Variants in BTBD1 observed in about 807,000 individuals in gnomAD.
The protein encoded by BTBD1 is BTB/POZ domain-containing protein 1.
A neutral mutation model predicts 48.0 loss-of-function variants in BTBD1; 34 were observed. The ratio of observed to expected loss-of-function variants is 0.71; its 90% CI spans 0.54 to 0.94. The LOEUF (loss-of-function observed/expected upper bound fraction) is 0.94. Ranked by LOEUF, BTBD1 falls within the 40% of genes least tolerant of loss-of-function variation. The pLI, the probability that BTBD1 is intolerant of heterozygous loss-of-function variation, is 0.00. For missense variants in BTBD1, 543 were observed against 625.6 expected (o/e 0.87, Z 1.41); for synonymous variants, 261 against 242.1 (o/e 1.08, Z -0.72).
intron 5 of BTBD1, among the ~76,000 whole-genome samples, chr15:83,021,282 CAA>C (rs1282848335): frequency 3.9e-5 from 6 of 152,164 alleles, no homozygotes; most frequent in Non-Finnish European, 8.8e-5. Flanking sequence ...CAAATTGTAA[CAA>C]GAGCTGTGAA....
chr15:83,051,928 CTATT>C (rs1267118291), intron 2 of BTBD1, among the ~76,000 whole-genome samples: 1 of 112,598 alleles, frequency 8.9e-6, no homozygotes, highest in Non-Finnish European at 1.8e-5. Flanking sequence ...AGAGACTAAA[CTATT>C]TGAGAGTAAG....
Position 83,018,798 on chromosome 15 carries a change from C to A in BTBD1, c.1199G>T (p.Cys400Phe). The stretch of plus-strand genomic sequence containing the variant: ...CCTGAATGTGTTAGCTGTCCCATCA[C>A]AACTAAAGCCGGTATCATTCTGTCC... ...TLGQNDTGFSCDGTANTFRVM... is the reference protein window; with the variant it reads ...TLGQNDTGFSFDGTANTFRVM... Residue 400 changes from cysteine (C) to phenylalanine (F), a missense_variant, in exon 7 of 8, where the codon TGT (cysteine) becomes TTT (phenylalanine). Cys to Phe is a radical substitution (Grantham distance 205). Coordinates refer to ENST00000261721, the MANE Select transcript of BTBD1 (RefSeq NM_025238.4). 1 of 1,614,122 alleles carries A rather than the reference C, an allele frequency of 6.2e-7. No individual in the cohort carries two copies. Among genetic ancestry groups the A allele is most frequent in the Non-Finnish European group, 8.5e-7 (1 of 1,179,952 alleles).
intron 2 of BTBD1, among the ~76,000 whole-genome samples, chr15:83,053,599 G>A (rs1018754591): frequency 2.6e-5 from 4 of 152,140 alleles, no homozygotes; most frequent in Non-Finnish European, 5.9e-5. Flanking sequence ...AATAAAAGTA[G>A]TTAAGTGATC....
intron 4 of BTBD1, 198 bp from the exon 5 acceptor site, chr15:83,030,526 A>T: frequency 1.9e-6 from 1 of 536,204 alleles, no homozygotes; most frequent in South Asian, 2.6e-5. Flanking sequence ...TAAAATGTTA[A>T]AAGCATTAAT....
At chr15:83,051,182 T>G (rs1275595081) in intron 2 of BTBD1, among the ~76,000 whole-genome samples, 1 of 152,162 alleles carries the variant, frequency 6.6e-6, no homozygotes, top group Non-Finnish European at 1.5e-5. Context: ...CTCTTCACAT[T>G]TTAGAGGATG....
Position 83,056,536 on chromosome 15 carries a change from ATAT to A in BTBD1, c.408_410del (p.Tyr137del), listed in dbSNP as rs2033084984. ...CTGGACCAATTTGAACTTCATCTGAATATAGAAATCTGGAAAACAATTGGCATA... is the reference window on the plus strand; with the variant it reads ...CTGGACCAATTTGAACTTCATCTGAAAGAAATCTGGAAAACAATTGGCATA... On this transcript the variant is annotated inframe_deletion, in exon 2 of 8. Transcript: ENST00000261721. 6.2e-7 allele frequency: 1 copy of A among 1,613,396 alleles called. No homozygotes were observed. Among genetic ancestry groups the A allele is most frequent in the Non-Finnish European group, 8.5e-7 (1 of 1,179,638 alleles).
At chr15:83,060,748 G>A (rs544554298) in intron 1 of BTBD1, among the ~76,000 whole-genome samples, 47 of 152,174 alleles carry the variant, frequency 3.1e-4, no homozygotes, top group African/African-American at 9.9e-4. Flanking sequence ...AGCCAAGATC[G>A]CGCCACTGTA....
intron 4 of BTBD1, among the ~76,000 whole-genome samples, chr15:83,032,827 C>G (rs760716098): frequency 6.6e-6 from 1 of 151,734 alleles, no homozygotes; most frequent in Non-Finnish European, 1.5e-5. Context: ...CAAAATTTAG[C>G]CAAGGGCGGT....
chr15:83,036,065 C>T (rs1363171892), intron 4 of BTBD1, among the ~76,000 whole-genome samples: 1 of 126,820 alleles, frequency 7.9e-6, no homozygotes, highest in Middle Eastern at 5.3e-3. Flanking sequence ...ATGTAGTTCA[C>T]TATATTCACA....
At chr15:83,021,661 G>A (rs2151299195) in intron 5 of BTBD1, among the ~76,000 whole-genome samples, 1 of 152,062 alleles carries the variant, frequency 6.6e-6, no homozygotes, top group Admixed American at 6.6e-5. Flanking sequence ...AACTGAGGCA[G>A]GAGAATCGTT....
At chr15:83,044,756 T>C in intron 3 of BTBD1, 2 of 1,447,454 alleles carry the variant, frequency 1.4e-6, no homozygotes, top group African/African-American at 1.4e-5. Context: ...CTCGGATCTA[T>C]GAAAAAGTAG....
In BTBD1 at chr15:83,021,972, A is replaced by G. The variant is rs531389506; in HGVS notation, c.1056-1210T>C. ...CAGAATTATTTCCTTTAGTCATCGT[A>G]ACAGCCCTATAAGCTAGATAACAGT... On this transcript the variant is annotated intron_variant, in intron 5 of 7. Coordinates refer to ENST00000261721, the MANE Select transcript of BTBD1 (RefSeq NM_025238.4). Among the ~76,000 whole-genome samples the G allele has an allele frequency of 1.4e-3, 214 of 152,124 alleles. 2 individuals are homozygous for G. The highest frequency in any genetic ancestry group is 2.6e-3 in the Admixed American group (39 of 15,256).
intron 3 of BTBD1, among the ~76,000 whole-genome samples, chr15:83,046,766 T>C (rs935982523): frequency 6.6e-6 from 1 of 152,186 alleles, no homozygotes; most frequent in Non-Finnish European, 1.5e-5. Context: ...ATGCAGGTGC[T>C]GGGGAGGAAT....
At chr15:83,041,588 G>A (rs919919090) in intron 4 of BTBD1, 140 bp downstream of exon 4, 1 of 705,542 alleles carries the variant, frequency 1.4e-6, no homozygotes. Flanking sequence ...GACAAGGCTG[G>A]TGTCGAACTC....
chr15:83,051,875 T>TACACACACACACACAC (rs1187803458), intron 2 of BTBD1, among the ~76,000 whole-genome samples: 1,626 of 43,626 alleles, frequency 0.037, 15 homozygotes, highest in East Asian at 0.095. Flanking sequence ...TTTCCATATA[T>TACACACACACACACAC]ATACACACAC....
intron 1 of BTBD1, among the ~76,000 whole-genome samples, chr15:83,063,441 T>C (rs1483021601): frequency 6.6e-6 from 1 of 152,172 alleles, no homozygotes; most frequent in Non-Finnish European, 1.5e-5. Context: ...AATTTGACCA[T>C]GTCTCATCAT....
intron 3 of BTBD1, among the ~76,000 whole-genome samples, chr15:83,042,747 TGAG>T (rs1390661427): frequency 6.6e-6 from 1 of 152,154 alleles, no homozygotes; most frequent in Admixed American, 6.5e-5. Flanking sequence ...TACATTCTAA[TGAG>T]GAGAAACAGA....
chr15:83,018,796 C>T lies in BTBD1; in HGVS notation c.1201G>A (p.Asp401Asn). The T allele has an allele frequency of 6.2e-7, 1 of 1,613,958 alleles. No individual in the cohort carries two copies. ...ACCCTGAATGTGTTAGCTGTCCCAT[C>T]ACAACTAAAGCCGGTATCATTCTGT... ...LGQNDTGFSCDGTANTFRVMF... is the reference protein window; with the variant it reads ...LGQNDTGFSCNGTANTFRVMF... Residue 401 changes from aspartate to asparagine, a missense_variant, in exon 7 of 8, where the codon GAT becomes AAT. By Grantham distance (23) the Asp-to-Asn change is conservative. Around this residue, in one of 3 missense-constraint regions of BTBD1, gnomAD observed 300 missense variants for 350.0 expected, o/e 0.86. Transcript: ENST00000261721.
intron 3 of BTBD1, among the ~76,000 whole-genome samples, chr15:83,042,252 T>A (rs959621877): frequency 2.7e-5 from 4 of 150,662 alleles, no homozygotes; most frequent in African/African-American, 9.7e-5. Flanking sequence ...AAGGTTCCAA[T>A]TACATAAATT....
Sources: gnomAD v4.1 joint callset for allele counts (sites outside exome capture counted in the v4.1 genomes callset) on GRCh38, gnomAD v4.1.1 for gene constraint, gnomAD v4.1.1 regional missense constraint, MANE v1.5 for transcripts, NCBI Gene and HGNC (gene_info 2026-07-23, HGNC 2026-07-21) for gene names.